The following RSL1D1 variants were observed in gnomAD, a reference collection of about 807,000 sequenced individuals.
RSL1D1 encodes the protein ribosomal L1 domain-containing protein 1.
Under a neutral mutation model 44.6 loss-of-function variants are expected in RSL1D1, and 34 were observed. The ratio of observed to expected loss-of-function variants is 0.76; its 90% CI spans 0.58 to 1.02. The LOEUF (loss-of-function observed/expected upper bound fraction) is 1.02. Ranked by LOEUF, RSL1D1 falls within the 50% of genes least tolerant of loss-of-function variation. The pLI is 0.00. For missense variants in RSL1D1, 767 were observed against 568.1 expected, an observed-to-expected ratio of 1.35 and a Z score of -3.56; for synonymous variants, 271 against 207.4, an observed-to-expected ratio of 1.31 and a Z score of -2.63.
intron 2 of RSL1D1, 61 bp from the exon 3 acceptor site, chr16:11,847,867 A>G: frequency 6.7e-7 from 1 of 1,500,208 alleles, no homozygotes; most frequent in Non-Finnish European, 9.2e-7. Context: ...GCATGTTTGT[A>G]TCACACAGAA....
At position 11,837,995 on chromosome 16, in the gene RSL1D1, T is replaced by C. The variant is rs369986614; in HGVS notation, c.1265A>G (p.Glu422Gly). 3 of 1,614,144 alleles carry C rather than the reference T, an allele frequency of 1.9e-6. No individual in the cohort carries two copies. Among genetic ancestry groups the C allele is most frequent in the Non-Finnish European group, 1.7e-6 (2 of 1,180,044 alleles). ...ASETPKAAESETPGKSPEKKP... is the reference protein window; with the variant it reads ...ASETPKAAESGTPGKSPEKKP... ...CTTCTCTGGGCTTTTCCCTGGGGTC[T>C]CAGACTCTGCAGCTTTTGGGGTCTC... The change falls in exon 9 of 9, where the codon GAG becomes GGG. Residue 422 changes from glutamate (E) to glycine (G), a missense_variant. Physicochemically the swap from Glu to Gly is moderately conservative, Grantham distance 98. Coordinates refer to ENST00000571133, the MANE Select transcript of RSL1D1 (RefSeq NM_015659.3).
At chr16:11,846,413 CAAA>C (rs1408792694) in intron 5 of RSL1D1, 85 bp downstream of exon 5, 1 of 744,752 alleles carries the variant, frequency 1.3e-6, no homozygotes, top group Admixed American at 3.1e-5. Flanking sequence ...AAAACAAAAA[CAAA>C]AAACAAAACA....
Position 11,851,488 on chromosome 16 carries a change from GCGAGGC to G in RSL1D1, c.19_24del (p.Ala7_Ser8del). ...GTTCCAGTAGCGGCTGCAGAAGACA[GCGAGGC>G]CGAGGCCGAATCCTCCATCTTGTTT... On this transcript the variant is annotated inframe_deletion, in exon 1 of 9. Transcript: ENST00000571133. The G allele has an allele frequency of 6.2e-7, 1 of 1,613,970 alleles. No individual in the cohort carries two copies. Among genetic ancestry groups the G allele is most frequent in the African/African-American group, 1.3e-5 (1 of 75,062 alleles).
chr16:11,851,109 A>C, intron 1 of RSL1D1: 1 of 457,004 alleles, frequency 2.2e-6, no homozygotes, highest in Non-Finnish European at 4.1e-6. Context: ...GACCTGCAAA[A>C]CTAAGCGATT....
chr16:11,841,599 T>C, intron 7 of RSL1D1, 96 bp downstream of exon 7: 2 of 1,152,134 alleles, frequency 1.7e-6, no homozygotes, highest in Non-Finnish European at 2.5e-6. Flanking sequence ...AGAAGATAAC[T>C]GAAAAGTCGG....
At chr16:11,839,526 TA>T (rs55657359) in intron 8 of RSL1D1, among the ~76,000 whole-genome samples, 168 bp downstream of exon 8, 8,385 of 121,336 alleles carry the variant, frequency 0.069, 543 homozygotes, top group African/African-American at 0.18. Context: ...AGATCCCATC[TA>T]AAAAAAAAAA....
Position 11,846,531 on chromosome 16 carries a change from A to G in RSL1D1, c.605T>C (p.Val202Ala). ...AGAACCACTTTTAGAAATGTTTAAG[A>G]CTGTTCCACCTATACAGTCATTGAT... is the stretch of plus-strand genomic sequence containing the variant. ...REINDCIGGT[V>A]LNISKSGSCS... Residue 202 changes from valine to alanine, a missense_variant, in exon 5 of 9, where the codon GTC (valine) becomes GCC (alanine). Coordinates refer to ENST00000571133, the MANE Select transcript of RSL1D1 (RefSeq NM_015659.3). The G allele has an allele frequency of 6.3e-7, 1 of 1,596,880 alleles. No individual in the cohort carries two copies. Among genetic ancestry groups the G allele is most frequent in the South Asian group, 1.1e-5 (1 of 88,646 alleles).
chr16:11,838,000 C>T lies in RSL1D1; in HGVS notation c.1260G>A (p.Glu420=). The change falls in exon 9 of 9, where the codon GAG becomes GAA. Residue 420 remains glutamate (E), a synonymous_variant. Coordinates refer to ENST00000571133, the MANE Select transcript of RSL1D1 (RefSeq NM_015659.3). ...LPASETPKAA[E]SETPGKSPEK... is the part of the protein sequence containing the mutation. ...CTGGGCTTTTCCCTGGGGTCTCAGA[C>T]TCTGCAGCTTTTGGGGTCTCAGATG... 6.2e-7 allele frequency: 1 copy of T among 1,614,034 alleles called. No individual in the cohort carries two copies. The highest frequency in any genetic ancestry group is 8.5e-7 in the Non-Finnish European group (1 of 1,180,030).
At position 11,836,970 on chromosome 16, in the gene RSL1D1, A is replaced by G. The variant is rs1158282872; in HGVS notation, c.*817T>C. ...CCAACAGTATACTCAGAAGCAAAGC[A>G]ATGTTATACTTTGTTTTTTCTGAGA... On this transcript the variant is annotated 3_prime_UTR_variant, in exon 9 of 9. Coordinates refer to ENST00000571133, the MANE Select transcript of RSL1D1 (RefSeq NM_015659.3). 1.3e-5 allele frequency: 2 copies of G among 152,120 alleles called. No homozygotes were observed. 9.4% of individuals were successfully genotyped at this position (152,120 alleles called of 1,614,324 possible). A position where few individuals can be genotyped will look rare whatever the true frequency, so the allele number is the denominator to read the frequency against.
At position 11,850,383 on chromosome 16, in the gene RSL1D1, G is replaced by C. The variant is rs151124222; in HGVS notation, c.141C>G (p.Cys47Trp). ...RKAVDALLTH[C>W]KSRKNNYGLL... The stretch of plus-strand genomic sequence containing the variant: ...ACCCATAATTGTTTTTCCTGGACTT[G>C]CAATGCGTCAAGAGAGCGTCCACTG... The change falls in exon 2 of 9, where the codon TGC (cysteine) becomes TGG (tryptophan). Residue 47 changes from cysteine to tryptophan, a missense_variant. By Grantham distance (215) the Cys-to-Trp change is radical. Transcript: ENST00000571133. The C allele has an allele frequency of 2.0e-5, 32 of 1,599,200 alleles. No individual in the cohort carries two copies. The African/African-American group carries it at 4.2e-4, about 21-fold the overall frequency.
Position 11,837,957 on chromosome 16 carries a change from T to C in RSL1D1, c.1303A>G (p.Lys435Glu). 5 of 1,614,150 alleles carry C rather than the reference T, an allele frequency of 3.1e-6. No homozygotes were observed. The highest frequency in any genetic ancestry group is 4.2e-6 in the Non-Finnish European group (5 of 1,180,016). ...CTTTTTTCCTTCACTGCCTCTTCTTTGATTTTTGGCTTCTTCTCTGGGCTT... is the reference window on the plus strand; with the variant it reads ...CTTTTTTCCTTCACTGCCTCTTCTTCGATTTTTGGCTTCTTCTCTGGGCTT... ...GKSPEKKPKI[K>E]EEAVKEKSPS... is the part of the protein sequence containing the mutation. The change falls in exon 9 of 9, where the codon AAA becomes GAA. Residue 435 changes from lysine (K) to glutamate (E), a missense_variant. Physicochemically the swap from Lys to Glu is moderately conservative, Grantham distance 56. Transcript: ENST00000571133.
At chr16:11,842,906 C>A (rs2053772370) in intron 5 of RSL1D1, among the ~76,000 whole-genome samples, 1 of 147,144 alleles carries the variant, frequency 6.8e-6, no homozygotes, top group African/African-American at 2.6e-5. Context: ...CAGGCGCATG[C>A]CACCACGCCC....
intron 8 of RSL1D1, among the ~76,000 whole-genome samples, chr16:11,838,495 C>T (rs1487108071): frequency 4.6e-5 from 7 of 152,058 alleles, no homozygotes; most frequent in Non-Finnish European, 1.0e-4. Flanking sequence ...GGCCAAGTTA[C>T]TGTTTTTATT....
chr16:11,834,740 G>A lies in RSL1D1; in HGVS notation c.*3047C>T, dbSNP rs901395479. 6.6e-6 allele frequency: 1 copy of A among 152,130 alleles called. No individual in the cohort carries two copies. Among genetic ancestry groups the A allele is most frequent in the East Asian group, 1.9e-4 (1 of 5,202 alleles). The allele number at this position is 152,130 out of a possible 1,614,324, so 9.4% of individuals were successfully genotyped here. On this transcript the variant is annotated 3_prime_UTR_variant, in exon 9 of 9. Transcript: ENST00000571133. Reference sequence around the variant, plus strand: ...TATATTCATTTATAGAAGCCCAAAAGGACAGTGGGGTTACAAATAATTTTA... The same window carrying A: ...TATATTCATTTATAGAAGCCCAAAAAGACAGTGGGGTTACAAATAATTTTA...
intron 1 of RSL1D1, 109 bp from the exon 2 acceptor site, chr16:11,850,527 A>G: frequency 9.0e-7 from 1 of 1,107,210 alleles, no homozygotes; most frequent in Non-Finnish European, 1.3e-6. Flanking sequence ...CACACCTTCT[A>G]TTTTTTCCCT....
intron 5 of RSL1D1, among the ~76,000 whole-genome samples, chr16:11,846,255 C>T (rs1362937011): frequency 5.3e-5 from 8 of 150,972 alleles, no homozygotes; most frequent in Admixed American, 2.0e-4. Context: ...ATTAGCCGGG[C>T]GTGGTGGCAG....
intron 2 of RSL1D1, chr16:11,849,400 A>G (rs1445221774): frequency 6.7e-6 from 1 of 150,330 alleles, no homozygotes; most frequent in Non-Finnish European, 1.5e-5. Context: ...AAAAAAAAAA[A>G]AAAAGGAGAG....
At position 11,834,403 on chromosome 16, in the gene RSL1D1, T is replaced by G. The variant is rs566561288; in HGVS notation, c.*3384A>C. 56 of 152,320 alleles carry G rather than the reference T, an allele frequency of 3.7e-4. No homozygotes were observed. The highest frequency in any genetic ancestry group is 1.3e-3 in the African/African-American group (53 of 41,558). 9.4% of individuals were successfully genotyped at this position (152,320 alleles called of 1,614,324 possible). The stretch of plus-strand genomic sequence containing the variant: ...AAGCCAGCTTTTTCAACAGAGAACA[T>G]TATTAGAATGAAACTAGATGCAAGA... On this transcript the variant is annotated 3_prime_UTR_variant, in exon 9 of 9. Transcript: ENST00000571133.
At position 11,850,282 on chromosome 16, in the gene RSL1D1, C is replaced by G; in HGVS notation, c.242G>C (p.Arg81Thr). 6.4e-7 allele frequency: 1 copy of G among 1,572,704 alleles called. No homozygotes were observed. Among genetic ancestry groups the G allele is most frequent in the Non-Finnish European group, 8.6e-7 (1 of 1,167,424 alleles). The change falls in exon 2 of 9, where the codon AGA (arginine) becomes ACA (threonine). Residue 81 changes from arginine (R) to threonine (T), a missense_variant. Physicochemically the swap from Arg to Thr is moderately conservative, Grantham distance 71 (BLOSUM62 -1). Transcript: ENST00000571133. ...AAGGTAGAAAATCACAACTTACAAT[C>G]TGACCCTCAGTTCTTTACTTGGAAT... ...WKIPSKELRV[R>T]LTLPHSIRSD... is the part of the protein sequence containing the mutation.
Sources: gnomAD v4.1 joint callset for allele counts (sites outside exome capture counted in the v4.1 genomes callset) on GRCh38, gnomAD v4.1.1 for gene constraint, MANE v1.5 for transcripts, NCBI Gene and HGNC (gene_info 2026-07-23, HGNC 2026-07-21) for gene names.